KIAA1217: variants seen among roughly 807,000 people sequenced by gnomAD.
The protein encoded by KIAA1217 is KIAA1217.
Under a neutral mutation model 163.9 loss-of-function variants are expected in KIAA1217, and 88 were observed. The ratio of observed to expected loss-of-function variants is 0.54; its 90% CI spans 0.45 to 0.64. The LOEUF is 0.64. KIAA1217 is among the 30% of genes least tolerant of loss of function. KIAA1217 has a pLI of 0.00. For synonymous variants in KIAA1217, 903 were observed against 923.1 expected (o/e 0.98, Z 0.39); for missense variants, 2,372 against 2,475.0 (o/e 0.96, Z 0.88).
intron 2 of KIAA1217, among the ~76,000 whole-genome samples, chr10:24,351,562 G>A (rs2048465280): frequency 6.6e-6 from 1 of 152,164 alleles, no homozygotes; most frequent in African/African-American, 2.4e-5. Context: ...GGAGAATACA[G>A]GACTTTTCTT....
At chr10:24,034,108 G>A (rs527922493) in intron 2 of KIAA1217, among the ~76,000 whole-genome samples, 5 of 152,132 alleles carry the variant, frequency 3.3e-5, no homozygotes, top group Non-Finnish European at 7.4e-5. Flanking sequence ...AAGTGCTTTC[G>A]TATTCATTAT....
chr10:24,114,464 G>A (rs2062975628), intron 2 of KIAA1217, among the ~76,000 whole-genome samples: 1 of 152,114 alleles, frequency 6.6e-6, no homozygotes. Context: ...GACCCCCCCT[G>A]TTGCAGCCAG....
At chr10:24,424,164 T>C (rs1405734097) in intron 3 of KIAA1217, among the ~76,000 whole-genome samples, 2 of 152,218 alleles carry the variant, frequency 1.3e-5, no homozygotes, top group Non-Finnish European at 2.9e-5. Flanking sequence ...TTCTGCTTTG[T>C]CACCTACTTT....
At chr10:24,167,610 G>A (rs1287218152) in intron 2 of KIAA1217, among the ~76,000 whole-genome samples, 1 of 151,994 alleles carries the variant, frequency 6.6e-6, no homozygotes, top group African/African-American at 2.4e-5. Flanking sequence ...ACCCAACTTG[G>A]ACAACTGTGA....
At chr10:24,438,138 A>G (rs2060215910) in intron 4 of KIAA1217, among the ~76,000 whole-genome samples, 1 of 152,104 alleles carries the variant, frequency 6.6e-6, no homozygotes, top group Admixed American at 6.5e-5. Flanking sequence ...TGGGTGGGGA[A>G]CTATACTGGA....
Position 24,531,846 on chromosome 10 carries a change from G to T in KIAA1217, c.3099G>T (p.Ser1033=). 6.3e-7 allele frequency: 1 copy of T among 1,591,150 alleles called. No homozygotes were observed. Among genetic ancestry groups the T allele is most frequent in the Non-Finnish European group, 8.6e-7 (1 of 1,168,558 alleles). ...GTTTTCCAGAAGATTCTCCAAATTCGGAACAGGACTTGGAAAAGCTGGGGG... is the reference window on the plus strand; with the variant it reads ...GTTTTCCAGAAGATTCTCCAAATTCTGAACAGGACTTGGAAAAGCTGGGGG... ...KVELSEDSPN[S]EQDLEKLGGK... The change falls in exon 15 of 21, where the codon TCG becomes TCT. Residue 1033 remains serine (S), a synonymous_variant. Coordinates refer to ENST00000376454, the MANE Select transcript of KIAA1217 (RefSeq NM_019590.5).
intron 1 of KIAA1217, among the ~76,000 whole-genome samples, chr10:23,947,454 C>A (rs1844108440): frequency 6.6e-6 from 1 of 152,100 alleles, no homozygotes; most frequent in Admixed American, 6.6e-5. Flanking sequence ...ATAAATATGC[C>A]AGGCTTTCCT....
chr10:24,032,891 A>G (rs984190880), intron 2 of KIAA1217, among the ~76,000 whole-genome samples: 2 of 152,220 alleles, frequency 1.3e-5, no homozygotes, highest in Admixed American at 1.3e-4. Flanking sequence ...GAGAGCCAAG[A>G]TAATTCTTAA....
At chr10:23,714,080 C>T (rs1837420965) in intron 1 of KIAA1217, among the ~76,000 whole-genome samples, 2 of 152,206 alleles carry the variant, frequency 1.3e-5, no homozygotes, top group South Asian at 2.1e-4. Flanking sequence ...GCCAGCTAGT[C>T]GTCCAAGTTC....
intron 1 of KIAA1217, among the ~76,000 whole-genome samples, chr10:23,965,208 G>C (rs901094350): frequency 2.0e-5 from 3 of 152,166 alleles, no homozygotes; most frequent in Non-Finnish European, 4.4e-5. Context: ...TTTCAAAAAG[G>C]GTTTAAAGCT....
chr10:23,744,515 G>A (rs542709178), intron 1 of KIAA1217, among the ~76,000 whole-genome samples: 3 of 152,062 alleles, frequency 2.0e-5, no homozygotes, highest in South Asian at 2.1e-4. Flanking sequence ...AGACAGGGTC[G>A]CATCCCGAGT....
intron 1 of KIAA1217, among the ~76,000 whole-genome samples, chr10:23,848,642 G>C (rs1839158955): frequency 6.6e-6 from 1 of 151,928 alleles, no homozygotes; most frequent in South Asian, 2.1e-4. Context: ...CATCCTTGTG[G>C]GTAGACCCAT....
At chr10:24,295,830 C>A (rs1355490844) in intron 2 of KIAA1217, among the ~76,000 whole-genome samples, 1 of 152,206 alleles carries the variant, frequency 6.6e-6, no homozygotes, top group African/African-American at 2.4e-5. Context: ...AGACATGCTA[C>A]CACTCCTGAG....
intron 2 of KIAA1217, among the ~76,000 whole-genome samples, chr10:24,289,755 G>A (rs2078915735): frequency 1.3e-5 from 2 of 152,098 alleles, no homozygotes; most frequent in African/African-American, 4.8e-5. Flanking sequence ...GTAATGACCA[G>A]CAACACAGTG....
intron 16 of KIAA1217, among the ~76,000 whole-genome samples, chr10:24,535,591 A>G (rs1461225610): frequency 2.0e-5 from 3 of 152,156 alleles, no homozygotes; most frequent in Non-Finnish European, 4.4e-5. Context: ...CCTGGCCAAC[A>G]TGGTGAAACC....
chr10:23,801,593 G>C (rs1265271964), intron 1 of KIAA1217, among the ~76,000 whole-genome samples: 4 of 152,190 alleles, frequency 2.6e-5, no homozygotes, highest in Non-Finnish European at 5.9e-5. Flanking sequence ...CATTTTTGGA[G>C]TAGGGACTCC....
At chr10:24,369,972 AG>A (rs2134455366) in intron 2 of KIAA1217, among the ~76,000 whole-genome samples, 1 of 152,242 alleles carries the variant, frequency 6.6e-6, no homozygotes, top group East Asian at 1.9e-4. Context: ...TGCAATAAAA[AG>A]ACATCTACCT....
intron 3 of KIAA1217, among the ~76,000 whole-genome samples, chr10:24,417,608 T>A (rs1441439549): frequency 6.6e-6 from 1 of 152,098 alleles, no homozygotes; most frequent in African/African-American, 2.4e-5. Flanking sequence ...GGAACCCCCG[T>A]GGACGGCTGG....
At chr10:24,108,154 C>G (rs1466747200) in intron 2 of KIAA1217, among the ~76,000 whole-genome samples, 1 of 152,118 alleles carries the variant, frequency 6.6e-6, no homozygotes, top group East Asian at 1.9e-4. Flanking sequence ...ATTTTATATA[C>G]TAGGTGTGAG....
Sources: gnomAD v4.1 joint callset for allele counts (sites outside exome capture counted in the v4.1 genomes callset) on GRCh38, gnomAD v4.1.1 for gene constraint, MANE v1.5 for transcripts, NCBI Gene and HGNC (gene_info 2026-07-23, HGNC 2026-07-21) for gene names.